CTNNA3: variants seen among roughly 807,000 people sequenced by gnomAD.
The protein encoded by CTNNA3 is catenin alpha-3.
CTNNA3 carries 76 observed loss-of-function variants against 95.7 expected under a neutral mutation model. The observed-to-expected ratio is 0.79, with a 90% CI of 0.66 to 0.96. The LOEUF is 0.96. CTNNA3 is among the 40% of genes least tolerant of loss of function. The pLI, the probability that CTNNA3 is intolerant of heterozygous loss-of-function variation, is 0.00. For missense variants in CTNNA3, 1,191 were observed against 1,089.8 expected (o/e 1.09, Z -1.31); for synonymous variants, 431 against 374.4 (o/e 1.15, Z -1.74).
At chr10:66,992,396 T>TTCC (rs138175522) in intron 7 of CTNNA3, among the ~76,000 whole-genome samples, 9 of 152,048 alleles carry the variant, frequency 5.9e-5, no homozygotes, top group East Asian at 1.9e-4. Flanking sequence ...CCTATTATTC[T>TTCC]TCCTCCTCCT....
At chr10:67,296,934 C>CAAAA (rs1210482029) in intron 5 of CTNNA3, among the ~76,000 whole-genome samples, 403 of 17,656 alleles carry the variant, frequency 0.023, 75 homozygotes, top group African/African-American at 0.075. Flanking sequence ...AACGCTGTCT[C>CAAAA]AAAAAAAAAA....
At chr10:66,191,122 A>G (rs1051485311) in intron 13 of CTNNA3, among the ~76,000 whole-genome samples, 2 of 152,178 alleles carry the variant, frequency 1.3e-5, no homozygotes, top group Non-Finnish European at 2.9e-5. Context: ...ACACTAACAA[A>G]GAAGGACCCA....
At chr10:66,787,308 G>A (rs1326956207) in intron 7 of CTNNA3, among the ~76,000 whole-genome samples, 1 of 151,794 alleles carries the variant, frequency 6.6e-6, no homozygotes, top group Admixed American at 6.6e-5. Flanking sequence ...ATTGCCTCTC[G>A]GTGGTATTTC....
intron 11 of CTNNA3, among the ~76,000 whole-genome samples, chr10:66,460,540 C>G (rs1346242166): frequency 1.3e-5 from 2 of 152,072 alleles, no homozygotes; most frequent in African/African-American, 4.8e-5. Flanking sequence ...CCCCTGCCCT[C>G]CTACCCCTCC....
chr10:66,738,937 C>T (rs1255049927), intron 9 of CTNNA3, among the ~76,000 whole-genome samples: 1 of 152,100 alleles, frequency 6.6e-6, no homozygotes, highest in African/African-American at 2.4e-5. Flanking sequence ...CCCTTTTCAC[C>T]TCTAAACATG....
chr10:66,030,019 A>T (rs1045420711), intron 15 of CTNNA3, among the ~76,000 whole-genome samples: 1 of 152,038 alleles, frequency 6.6e-6, no homozygotes, highest in African/African-American at 2.4e-5. Context: ...CTATACAAGG[A>T]GGTGAAAGAT....
intron 7 of CTNNA3, among the ~76,000 whole-genome samples, chr10:66,978,430 G>A (rs906546246): frequency 6.7e-6 from 1 of 149,116 alleles, no homozygotes; most frequent in African/African-American, 2.5e-5. Context: ...AGGAGGCTGA[G>A]GCAGGAGAAT....
intron 4 of CTNNA3, among the ~76,000 whole-genome samples, chr10:67,525,957 G>A (rs1391235099): frequency 6.6e-6 from 1 of 152,212 alleles, no homozygotes; most frequent in Non-Finnish European, 1.5e-5. Context: ...AGGGTATACA[G>A]TAAGTGCCTG....
intron 9 of CTNNA3, among the ~76,000 whole-genome samples, chr10:66,655,168 T>G (rs1167615439): frequency 6.6e-6 from 1 of 152,076 alleles, no homozygotes; most frequent in African/African-American, 2.4e-5. Context: ...TGTATACATA[T>G]TTTAAAACAT....
chr10:66,155,528 A>G (rs2084446455), intron 13 of CTNNA3, among the ~76,000 whole-genome samples: 1 of 151,842 alleles, frequency 6.6e-6, no homozygotes, highest in African/African-American at 2.4e-5. Flanking sequence ...AATGGAAAAA[A>G]GTCCAGAAAC....
chr10:66,760,643 T>G (rs1023981779), intron 9 of CTNNA3, among the ~76,000 whole-genome samples: 2 of 152,192 alleles, frequency 1.3e-5, no homozygotes, highest in African/African-American at 4.8e-5. Context: ...TACTTTTCTA[T>G]AAATGAATCA....
chr10:67,505,128 G>A (rs1384850952), intron 5 of CTNNA3, among the ~76,000 whole-genome samples: 1 of 152,106 alleles, frequency 6.6e-6, no homozygotes, highest in Non-Finnish European at 1.5e-5. Context: ...ATATTCCCAG[G>A]ACTTGCTGCT....
chr10:67,371,125 C>T (rs904594044), intron 5 of CTNNA3, among the ~76,000 whole-genome samples: 28 of 151,800 alleles, frequency 1.8e-4, no homozygotes, highest in Non-Finnish European at 5.9e-5. Flanking sequence ...CTCGGCCTCC[C>T]AAAGTGCTGG....
intron 7 of CTNNA3, among the ~76,000 whole-genome samples, chr10:66,938,247 T>C (rs1478708734): frequency 1.3e-5 from 2 of 152,140 alleles, no homozygotes; most frequent in African/African-American, 4.8e-5. Context: ...TCAAAAATTA[T>C]AGCTGACCAC....
intron 10 of CTNNA3, among the ~76,000 whole-genome samples, chr10:66,546,060 A>G (rs900640742): frequency 1.3e-5 from 2 of 151,762 alleles, no homozygotes. Flanking sequence ...TCACTCTCTT[A>G]TGGATGTATT....
intron 11 of CTNNA3, among the ~76,000 whole-genome samples, chr10:66,502,576 A>G (rs1375232059): frequency 6.6e-6 from 1 of 152,118 alleles, no homozygotes. Context: ...TGTATTTGAT[A>G]CACATGGCAT....
intron 7 of CTNNA3, among the ~76,000 whole-genome samples, chr10:66,941,512 C>A (rs576001279): frequency 6.6e-6 from 1 of 152,214 alleles, no homozygotes; most frequent in Non-Finnish European, 1.5e-5. Context: ...TCTTTCCTTT[C>A]AACTGTATGG....
rs1846916852 is a variant in CTNNA3, at chr10:66,677,847, A to T, written c.1282-56063T>A. Among the ~76,000 whole-genome samples, 2 of 152,174 alleles carry T rather than the reference A, an allele frequency of 1.3e-5. 1 individual carries two copies. Among genetic ancestry groups the T allele is most frequent in the South Asian group, 4.1e-4 (2 of 4,826 alleles). ...ATAGACTAATACAAAAGATTTTAAA[A>T]TCTTCCTATCAACTTGGGTCATTGT... On this transcript the variant is annotated intron_variant, in intron 9 of 17. Coordinates refer to ENST00000433211, the MANE Select transcript of CTNNA3 (RefSeq NM_013266.4).
chr10:67,692,446 C>A (rs1329154380), intron 1 of CTNNA3, among the ~76,000 whole-genome samples: 4 of 131,832 alleles, frequency 3.0e-5, no homozygotes, highest in Non-Finnish European at 6.4e-5. Flanking sequence ...TTACCCCCAA[C>A]CCTGTGCTCT....
Sources: gnomAD v4.1 joint callset for allele counts (sites outside exome capture counted in the v4.1 genomes callset) on GRCh38, gnomAD v4.1.1 for gene constraint, MANE v1.5 for transcripts, NCBI Gene and HGNC (gene_info 2026-07-23, HGNC 2026-07-21) for gene names.